KIAA1217: variants seen among roughly 807,000 people sequenced by gnomAD.
KIAA1217 encodes the protein sickle tail protein homolog.
Under a neutral mutation model 163.9 loss-of-function variants are expected in KIAA1217, and 88 were observed. That is an observed-to-expected ratio of 0.54 (90% confidence interval 0.45 to 0.64). The LOEUF is 0.64. Ranked by LOEUF, KIAA1217 falls within the 30% of genes least tolerant of loss-of-function variation. KIAA1217 has a pLI of 0.00. For missense variants in KIAA1217, 2,372 were observed against 2,475.0 expected (o/e 0.96, Z 0.88); for synonymous variants, 903 against 923.1 (o/e 0.98, Z 0.39).
intron 1 of KIAA1217, among the ~76,000 whole-genome samples, chr10:23,736,702 T>A (rs940763888): frequency 2.0e-5 from 3 of 151,908 alleles, no homozygotes; most frequent in Non-Finnish European, 4.4e-5. Flanking sequence ...TAAAAAAAAA[T>A]TTTCGTAGAG....
intron 2 of KIAA1217, among the ~76,000 whole-genome samples, chr10:24,037,970 T>C (rs1247691089): frequency 6.6e-6 from 1 of 152,246 alleles, no homozygotes; most frequent in Non-Finnish European, 1.5e-5. Context: ...TGTATGTATT[T>C]TGCAAGCCAA....
At chr10:23,756,412 A>C (rs1162317382) in intron 1 of KIAA1217, among the ~76,000 whole-genome samples, 1 of 152,220 alleles carries the variant, frequency 6.6e-6, no homozygotes, top group Non-Finnish European at 1.5e-5. Context: ...TTTTCAAAAA[A>C]ATAACCACGA....
intron 1 of KIAA1217, among the ~76,000 whole-genome samples, chr10:23,957,701 A>G (rs1278387430): frequency 1.3e-5 from 2 of 152,152 alleles, no homozygotes; most frequent in Non-Finnish European, 2.9e-5. Flanking sequence ...CAGTCTGGGT[A>G]ACATACTGAG....
chr10:23,884,492 A>T (rs1037412200), intron 1 of KIAA1217, among the ~76,000 whole-genome samples: 1 of 151,966 alleles, frequency 6.6e-6, no homozygotes, highest in Non-Finnish European at 1.5e-5. Context: ...GATTGCTGAC[A>T]TGTCCCTTCT....
intron 1 of KIAA1217, among the ~76,000 whole-genome samples, chr10:23,753,587 C>T (rs1041773587): frequency 6.6e-6 from 1 of 152,148 alleles, no homozygotes; most frequent in Admixed American, 6.5e-5. Context: ...AATATATTTT[C>T]AAAACATTTG....
chr10:23,751,178 C>A (rs1272475919), intron 1 of KIAA1217, among the ~76,000 whole-genome samples: 1 of 152,034 alleles, frequency 6.6e-6, no homozygotes, highest in South Asian at 2.1e-4. Flanking sequence ...CAGGTGCATG[C>A]CACCTTGCCG....
At chr10:24,256,514 A>G (rs2075174751) in intron 2 of KIAA1217, among the ~76,000 whole-genome samples, 1 of 152,138 alleles carries the variant, frequency 6.6e-6, no homozygotes. Context: ...CATTGCCTAA[A>G]TTAAGATGTC....
At chr10:24,513,638 G>C (rs1257610791) in intron 10 of KIAA1217, among the ~76,000 whole-genome samples, 1 of 152,100 alleles carries the variant, frequency 6.6e-6, no homozygotes, top group Non-Finnish European at 1.5e-5. Context: ...GTGGCCCTCA[G>C]GTGACTGAAT....
In KIAA1217 at chr10:24,473,363, T is replaced by C; in HGVS notation, c.982T>C (p.Ser328Pro). 1 of 1,607,074 alleles carries C rather than the reference T, an allele frequency of 6.2e-7. No homozygotes were observed. Among genetic ancestry groups the C allele is most frequent in the Non-Finnish European group, 8.5e-7 (1 of 1,176,002 alleles). Reference sequence around the variant, plus strand: ...GCCCCATTCCATGCCCCCCTCCCCGTCCAGAATTCCTTATGGGGGCACCCG... The same window carrying C: ...GCCCCATTCCATGCCCCCCTCCCCGCCCAGAATTCCTTATGGGGGCACCCG... ...PVPHSMPPSP[S>P]RIPYGGTRSM... is the part of the protein sequence containing the mutation. The change falls in exon 6 of 21, where the codon TCC becomes CCC. Residue 328 changes from serine to proline, a missense_variant. By Grantham distance (74) the Ser-to-Pro change is moderately conservative. Coordinates refer to ENST00000376454, the MANE Select transcript of KIAA1217 (RefSeq NM_019590.5).
chr10:24,164,388 T>C (rs2065250106), intron 2 of KIAA1217, among the ~76,000 whole-genome samples: 1 of 152,216 alleles, frequency 6.6e-6, no homozygotes, highest in Non-Finnish European at 1.5e-5. Flanking sequence ...TATTTTACTA[T>C]CTTGGTAGCC....
At chr10:24,005,467 A>G (rs938472322) in intron 1 of KIAA1217, among the ~76,000 whole-genome samples, 2 of 152,202 alleles carry the variant, frequency 1.3e-5, no homozygotes, top group African/African-American at 4.8e-5. Context: ...GGGCAAAATA[A>G]TCACTCCTTC....
At chr10:23,969,011 C>T (rs1363351450) in intron 1 of KIAA1217, among the ~76,000 whole-genome samples, 2 of 152,058 alleles carry the variant, frequency 1.3e-5, no homozygotes, top group Non-Finnish European at 2.9e-5. Flanking sequence ...ATTTCTGGGG[C>T]ACATAGAAGC....
At chr10:23,824,652 A>ATATAT (rs1491317629) in intron 1 of KIAA1217, among the ~76,000 whole-genome samples, 8 of 10,528 alleles carry the variant, frequency 7.6e-4, no homozygotes, top group African/African-American at 1.6e-3. Flanking sequence ...AAAAAAAAAT[A>ATATAT]AAAAAAATAT....
chr10:24,084,752 T>A (rs75880955), intron 2 of KIAA1217, among the ~76,000 whole-genome samples: 1 of 151,882 alleles, frequency 6.6e-6, no homozygotes, highest in Non-Finnish European at 1.5e-5. Context: ...GAGCAAAAAG[T>A]AATTGAGAGA....
At chr10:24,344,441 G>T (rs1404630530) in intron 2 of KIAA1217, among the ~76,000 whole-genome samples, 1 of 152,210 alleles carries the variant, frequency 6.6e-6, no homozygotes, top group African/African-American at 2.4e-5. Flanking sequence ...GGCAACAGTT[G>T]AGACCTATTC....
intron 2 of KIAA1217, among the ~76,000 whole-genome samples, chr10:24,243,249 A>C (rs1401418472): frequency 4.6e-5 from 7 of 152,172 alleles, no homozygotes; most frequent in Non-Finnish European, 1.0e-4. Context: ...GTCACTGATG[A>C]AATGTTTCTT....
intron 2 of KIAA1217, among the ~76,000 whole-genome samples, chr10:24,134,017 T>C (rs528286460): frequency 2.9e-4 from 44 of 152,330 alleles, no homozygotes; most frequent in Admixed American, 1.4e-3. Flanking sequence ...ACAGCTGATT[T>C]GTACAATATG....
At chr10:24,250,801 T>C (rs1017699703) in intron 2 of KIAA1217, among the ~76,000 whole-genome samples, 1 of 147,178 alleles carries the variant, frequency 6.8e-6, no homozygotes, top group East Asian at 2.1e-4. Flanking sequence ...AGAATAAGAA[T>C]AGATTGGGCC....
At chr10:24,264,191 A>G (rs901319767) in intron 2 of KIAA1217, among the ~76,000 whole-genome samples, 2 of 152,156 alleles carry the variant, frequency 1.3e-5, no homozygotes, top group Non-Finnish European at 2.9e-5. Flanking sequence ...CAACGAGTAC[A>G]GCGGGACTTT....
Sources: gnomAD v4.1 joint callset for allele counts (sites outside exome capture counted in the v4.1 genomes callset) on GRCh38, gnomAD v4.1.1 for gene constraint, MANE v1.5 for transcripts, NCBI Gene and HGNC (gene_info 2026-07-23, HGNC 2026-07-21) for gene names.